The following CSNK1G1 variants were observed in gnomAD, a reference collection of about 807,000 sequenced individuals.
The protein encoded by CSNK1G1 is casein kinase 1 gamma 1, also known as casein kinase I isoform gamma-1.
A neutral mutation model predicts 59.6 loss-of-function variants in CSNK1G1; 22 were observed. The observed-to-expected ratio is 0.37, with a 90% confidence interval of 0.26 to 0.53. The LOEUF is 0.53. Among genes scored for constraint, CSNK1G1 ranks in the 20% least tolerant of loss-of-function variants. The pLI, the probability that CSNK1G1 is intolerant of heterozygous loss-of-function variation, is 0.89. For missense variants in CSNK1G1, 384 were observed against 519.5 expected (o/e 0.74, Z 2.54); for synonymous variants, 179 against 177.1 (o/e 1.01, Z -0.08).
intron 10 of CSNK1G1, among the ~76,000 whole-genome samples, chr15:64,199,512 C>T (rs2082081091): frequency 6.6e-6 from 1 of 152,112 alleles, no homozygotes; most frequent in African/African-American, 2.4e-5. Flanking sequence ...AAAACCACAG[C>T]ATTGGTTATA....
chr15:64,187,999 A>G (rs1426044384), intron 10 of CSNK1G1, among the ~76,000 whole-genome samples: 2 of 152,240 alleles, frequency 1.3e-5, no homozygotes, highest in African/African-American at 4.8e-5. Flanking sequence ...TGAGCAACAT[A>G]TGCAGTCCTT....
intron 4 of CSNK1G1, among the ~76,000 whole-genome samples, chr15:64,217,870 G>A (rs1198511403): frequency 6.6e-6 from 1 of 151,756 alleles, no homozygotes; most frequent in Non-Finnish European, 1.5e-5. Context: ...GTTTCACAGA[G>A]CAGAAACATT....
intron 2 of CSNK1G1, among the ~76,000 whole-genome samples, chr15:64,297,639 G>A (rs1043772455): frequency 7.9e-5 from 12 of 151,896 alleles, no homozygotes; most frequent in Non-Finnish European, 1.5e-4. Flanking sequence ...TGGAGGCTGC[G>A]TGAGCTATGA....
intron 2 of CSNK1G1, among the ~76,000 whole-genome samples, chr15:64,261,322 C>A (rs560240481): frequency 4.6e-5 from 7 of 152,202 alleles, no homozygotes; most frequent in African/African-American, 1.7e-4. Flanking sequence ...GTTTTAGGGC[C>A]AGGTGCAGTG....
intron 4 of CSNK1G1, among the ~76,000 whole-genome samples, chr15:64,219,114 C>T (rs992106121): frequency 3.3e-5 from 5 of 152,138 alleles, no homozygotes; most frequent in East Asian, 1.9e-4. Flanking sequence ...CTCAGCCTCC[C>T]GAAGTGCTGG....
intron 11 of CSNK1G1, among the ~76,000 whole-genome samples, chr15:64,175,903 G>C (rs143763234): frequency 0.012 from 1,761 of 152,316 alleles, 107 homozygotes; most frequent in Admixed American, 0.11. Flanking sequence ...AAACACAACT[G>C]CTACATAAAA....
chr15:64,300,356 C>G lies in CSNK1G1; in HGVS notation c.144G>C (p.Lys48Asn). 6.2e-7 allele frequency: 1 copy of G among 1,614,218 alleles called. No homozygotes were observed. Among genetic ancestry groups the G allele is most frequent in the Non-Finnish European group, 8.5e-7 (1 of 1,180,030 alleles). Residue 48 changes from lysine (K) to asparagine (N), a missense_variant, in exon 2 of 12, where the codon AAG becomes AAC. Physicochemically the swap from Lys to Asn is moderately conservative, Grantham distance 94 (BLOSUM62 0). Around this residue, in one of 3 missense-constraint regions of CSNK1G1, gnomAD observed 56 missense variants for 60.8 expected, o/e 0.92. Transcript: ENST00000303052. ...CTCCGAAGTTCCCACATCCTATCTT[C>G]TTGCCAACCCTGAAGTTGGGTCCCA... ...LMVGPNFRVGKKIGCGNFGEL... is the reference protein window; with the variant it reads ...LMVGPNFRVGNKIGCGNFGEL...
chr15:64,264,533 G>A (rs1020521212), intron 2 of CSNK1G1, among the ~76,000 whole-genome samples: 11 of 152,152 alleles, frequency 7.2e-5, no homozygotes, highest in African/African-American at 2.7e-4. Context: ...TCTGAGTCCA[G>A]CATTACACTG....
chr15:64,309,611 G>A (rs550126369), intron 1 of CSNK1G1, among the ~76,000 whole-genome samples: 1 of 152,304 alleles, frequency 6.6e-6, no homozygotes, highest in Non-Finnish European at 1.5e-5. Flanking sequence ...CTATGGTGAG[G>A]TGCTAAAAGG....
chr15:64,249,697 T>A (rs184653105), intron 4 of CSNK1G1, among the ~76,000 whole-genome samples: 1 of 152,226 alleles, frequency 6.6e-6, no homozygotes, highest in Non-Finnish European at 1.5e-5. Context: ...GCAATTTGTA[T>A]AGTCACCTTT....
intron 2 of CSNK1G1, among the ~76,000 whole-genome samples, chr15:64,260,379 AAG>A (rs76279316): frequency 0.033 from 5,060 of 152,242 alleles, 243 homozygotes; most frequent in African/African-American, 0.11. Context: ...GTGCGTGAAA[AAG>A]AATATAAAAG....
At chr15:64,251,891 C>T (rs1275751022) in intron 3 of CSNK1G1, among the ~76,000 whole-genome samples, 2 of 152,022 alleles carry the variant, frequency 1.3e-5, no homozygotes, top group African/African-American at 4.8e-5. Flanking sequence ...GATGCCAAAC[C>T]TTTAAATAAA....
Position 64,292,356 on chromosome 15 carries a change from G to A in CSNK1G1, c.181+7963C>T, listed in dbSNP as rs534440430. ...CTTACTTTAGAAGCCATGCAGGAGT[G>A]TCACAGAACAAGCTGCTACCCTTAG... On this transcript the variant is annotated intron_variant, in intron 2 of 11. Transcript: ENST00000303052. 1.7e-4 allele frequency among the ~76,000 whole-genome samples: 26 copies of A among 152,302 alleles called. 1 individual carries two copies. The South Asian group carries it at 4.8e-3, about 28-fold the overall frequency.
chr15:64,170,895 G>A lies in CSNK1G1; in HGVS notation c.*1036C>T, dbSNP rs904305453. On this transcript the variant is annotated 3_prime_UTR_variant, in exon 12 of 12. Coordinates refer to ENST00000303052, the MANE Select transcript of CSNK1G1 (RefSeq NM_022048.5). ...AACTGTAAGCTGATTAGGTCAAGAT[G>A]CTCTGGTAGGGACATTCTTCAGCTG... 3.3e-5 allele frequency: 5 copies of A among 152,564 alleles called. No individual in the cohort carries two copies. The highest frequency in any genetic ancestry group is 5.9e-5 in the Non-Finnish European group (4 of 68,030). The allele number at this position is 152,564 out of a possible 1,614,324, so 9.5% of individuals were successfully genotyped here.
chr15:64,233,567 T>G (rs1409745391), intron 4 of CSNK1G1, among the ~76,000 whole-genome samples: 2 of 152,198 alleles, frequency 1.3e-5, no homozygotes, highest in Non-Finnish European at 2.9e-5. Context: ...TGCTTATATT[T>G]CATCACGCAG....
intron 1 of CSNK1G1, among the ~76,000 whole-genome samples, chr15:64,319,314 T>C (rs987169569): frequency 6.6e-6 from 1 of 152,200 alleles, no homozygotes; most frequent in African/African-American, 2.4e-5. Flanking sequence ...TAATAAAATT[T>C]GTCCCATTTG....
At chr15:64,180,734 A>T (rs751471687) in intron 10 of CSNK1G1, among the ~76,000 whole-genome samples, 2 of 152,238 alleles carry the variant, frequency 1.3e-5, no homozygotes, top group Non-Finnish European at 2.9e-5. Context: ...AAATCTTATG[A>T]AATAGGTTTT....
At chr15:64,264,185 C>T (rs1892856352) in intron 2 of CSNK1G1, among the ~76,000 whole-genome samples, 1 of 152,050 alleles carries the variant, frequency 6.6e-6, no homozygotes, top group Non-Finnish European at 1.5e-5. Context: ...CTTCGGTTTG[C>T]TGTGAACGAA....
At chr15:64,300,938 A>G (rs7167801) in intron 1 of CSNK1G1, among the ~76,000 whole-genome samples, 130,457 of 152,154 alleles carry the variant, frequency 0.86, 57,240 homozygotes, top group East Asian at 0.95. Context: ...TAGAAGCTAC[A>G]GAAACACACA....
Sources: allele counts gnomAD v4.1 joint callset (sites outside exome capture counted in the v4.1 genomes callset), GRCh38; gene constraint gnomAD v4.1.1; regional missense constraint gnomAD v4.1.1; transcripts MANE v1.5; gene names NCBI Gene and HGNC (gene_info 2026-07-23, HGNC 2026-07-21).